PCM1: variants seen among roughly 807,000 people sequenced by gnomAD.
PCM1 encodes the protein pericentriolar material 1 protein.
PCM1 carries 157 observed loss-of-function variants against 241.9 expected under a neutral mutation model. The ratio of observed to expected loss-of-function variants is 0.65; its 90% CI spans 0.57 to 0.74. PCM1 has a LOEUF of 0.74. PCM1 is among the 30% of genes least tolerant of loss of function. PCM1 has a pLI of 0.00. For missense variants in PCM1, 3,478 were observed against 2,360.1 expected (o/e 1.47, Z -9.81); for synonymous variants, 1,085 against 784.9 (o/e 1.38, Z -6.39).
chr8:17,943,108 A>G (rs998568373), intron 6 of PCM1, among the ~76,000 whole-genome samples: 7 of 151,356 alleles, frequency 4.6e-5, no homozygotes, highest in Non-Finnish European at 7.4e-5. Context: ...GACTAATTTC[A>G]TATGTTTTAT....
rs1189839875 is a variant in PCM1 at position 17,937,397 on chromosome 8, A to G, written c.342+18A>G. 2.0e-5 allele frequency: 31 copies of G among 1,552,460 alleles called. No individual in the cohort carries two copies. Among genetic ancestry groups the G allele is most frequent in the Non-Finnish European group, 2.6e-5 (30 of 1,150,466 alleles). The stretch of plus-strand genomic sequence containing the variant: ...TAGATCAGGTTTGTGAATTATTTTT[A>G]AAAATGAAGCTATTACTGTGAGAAA... On this transcript the variant is annotated intron_variant, in intron 4 of 38. Transcript: ENST00000325083.
chr8:17,937,063 T>G (rs2060640148), intron 3 of PCM1, 71 bp from the exon 4 acceptor site: 1 of 1,246,008 alleles, frequency 8.0e-7, no homozygotes, highest in East Asian at 2.6e-5. Flanking sequence ...GACCAAAACT[T>G]TTTAATTATA....
intron 32 of PCM1, 73 bp from the exon 33 acceptor site, chr8:18,011,164 T>A: frequency 1.0e-6 from 1 of 962,490 alleles, no homozygotes. Context: ...TCATTATTAA[T>A]ACGATAGACT....
In PCM1 at chr8:17,956,804, C is replaced by G. The variant is rs184881037; in HGVS notation, c.1646+27C>G. On this transcript the variant is annotated intron_variant, in intron 11 of 38. Transcript: ENST00000325083. ...TAAGAACTTTTCTGGGGATGTTTTT[C>G]CAGCATATTCATTCTGTCTTGATAC... The G allele has an allele frequency of 1.7e-5, 27 of 1,550,252 alleles. No individual in the cohort carries two copies. In the African/African-American group the frequency reaches 3.1e-4, roughly 18 times the overall value.
intron 21 of PCM1, among the ~76,000 whole-genome samples, 161 bp downstream of exon 21, chr8:17,967,331 G>A (rs1283980128): frequency 4.0e-5 from 6 of 150,198 alleles, no homozygotes; most frequent in African/African-American, 1.5e-4. Flanking sequence ...TTTTTGAGGC[G>A]GAGTTTTACT....
At chr8:17,989,117 A>T (rs150919244) in intron 26 of PCM1, among the ~76,000 whole-genome samples, 2,577 of 152,108 alleles carry the variant, frequency 0.017, 42 homozygotes, top group South Asian at 0.044. Context: ...ATTAAAAAAT[A>T]ATTTCTGAAC....
At chr8:17,932,736 A>G (rs1469755439) in intron 2 of PCM1, among the ~76,000 whole-genome samples, 2 of 152,006 alleles carry the variant, frequency 1.3e-5, no homozygotes, top group African/African-American at 4.8e-5. Flanking sequence ...TTTGTGTTCT[A>G]AATTTAGTAA....
intron 2 of PCM1, chr8:17,926,431 C>T (rs988609948): frequency 2.6e-5 from 4 of 152,182 alleles, no homozygotes; most frequent in African/African-American, 9.7e-5. Context: ...ATGACTACTA[C>T]AGATAAAACA....
chr8:18,012,892 C>G (rs2092700204), intron 34 of PCM1, among the ~76,000 whole-genome samples: 1 of 151,998 alleles, frequency 6.6e-6, no homozygotes, highest in African/African-American at 2.4e-5. Context: ...TGAACACTTT[C>G]TTTTTTTCTG....
intron 2 of PCM1, chr8:17,924,987 T>G (rs181481087): frequency 7.9e-5 from 12 of 152,368 alleles, no homozygotes; most frequent in African/African-American, 2.9e-4. Flanking sequence ...GGCCCTGTCA[T>G]TCCTAATTAT....
At chr8:17,981,531 TATG>T (rs1462711657) in intron 24 of PCM1, among the ~76,000 whole-genome samples, 2 of 152,082 alleles carry the variant, frequency 1.3e-5, no homozygotes, top group Admixed American at 1.3e-4. Context: ...CTCAAAGAAA[TATG>T]GAGAGAGAGA....
intron 24 of PCM1, among the ~76,000 whole-genome samples, chr8:17,984,253 A>G (rs1326841366): frequency 5.3e-5 from 8 of 152,090 alleles, no homozygotes; most frequent in Non-Finnish European, 1.2e-4. Flanking sequence ...TAAATTAAGT[A>G]TGATTAAACT....
chr8:17,992,436 C>T (rs2085007427), intron 28 of PCM1, among the ~76,000 whole-genome samples: 1 of 152,044 alleles, frequency 6.6e-6, no homozygotes, highest in South Asian at 2.1e-4. Context: ...TAAATTACGG[C>T]CATTCTTGCA....
chr8:17,945,010 A>G (rs1417112135), intron 6 of PCM1, among the ~76,000 whole-genome samples: 2 of 152,260 alleles, frequency 1.3e-5, no homozygotes, highest in East Asian at 1.9e-4. Flanking sequence ...ATTATAATTT[A>G]TGCTTTGCTA....
rs1278520190 is a variant in PCM1, at chr8:17,940,276, C to T, written c.783+415C>T. On this transcript the variant is annotated intron_variant, in intron 6 of 38. Coordinates refer to ENST00000325083, the MANE Select transcript of PCM1 (RefSeq NM_006197.4). ...TGAAAAGTGTATTCCAGGGAAGAACCCCTCAAATTGTTAATGCTGTATGTG... is the reference window on the plus strand; with the variant it reads ...TGAAAAGTGTATTCCAGGGAAGAACTCCTCAAATTGTTAATGCTGTATGTG... 5 of 587,510 alleles carry T rather than the reference C, an allele frequency of 8.5e-6. No homozygotes were observed. The Admixed American group carries it at 8.8e-5, about 10-fold the overall frequency. 36.4% of individuals were successfully genotyped at this position (587,510 alleles called of 1,614,324 possible).
chr8:17,998,730 G>A (rs571516310), intron 29 of PCM1, among the ~76,000 whole-genome samples: 7 of 152,294 alleles, frequency 4.6e-5, no homozygotes, highest in African/African-American at 1.7e-4. Flanking sequence ...ATTAGCAGGT[G>A]GGGAAGCCAG....
Position 17,985,993 on chromosome 8 carries a change from A to G in PCM1, c.4316A>G (p.Glu1439Gly), listed in dbSNP as rs2129477013. The G allele has an allele frequency of 6.3e-7, 1 of 1,585,002 alleles. No individual in the cohort carries two copies. The change falls in exon 26 of 39, where the codon GAA becomes GGA. Residue 1439 changes from glutamate (E) to glycine (G), a missense_variant. By Grantham distance (98) the Glu-to-Gly change is moderately conservative. Coordinates refer to ENST00000325083, the MANE Select transcript of PCM1 (RefSeq NM_006197.4). ...IVSRHISESHEKGENVKSVNS... is the reference protein window; with the variant it reads ...IVSRHISESHGKGENVKSVNS... ...TCCAGACATATTTCTGAGAGCCATG[A>G]AAAAGGAGAAAATGTAAAGTCAGTA...
At chr8:17,938,505 C>G (rs539981819) in intron 4 of PCM1, among the ~76,000 whole-genome samples, 8 of 152,264 alleles carry the variant, frequency 5.3e-5, no homozygotes, top group African/African-American at 1.9e-4. Flanking sequence ...TTACCTTGTT[C>G]ATATTCGTCA....
intron 9 of PCM1, among the ~76,000 whole-genome samples, chr8:17,954,698 G>T (rs1463554197): frequency 2.0e-5 from 3 of 152,106 alleles, no homozygotes; most frequent in Non-Finnish European, 4.4e-5. Context: ...AAAGATACTG[G>T]TAAATGACAG....
Sources: allele counts gnomAD v4.1 joint callset (sites outside exome capture counted in the v4.1 genomes callset), GRCh38; gene constraint gnomAD v4.1.1; transcripts MANE v1.5; gene names NCBI Gene and HGNC (gene_info 2026-07-23, HGNC 2026-07-21).